The following UST variants were observed in gnomAD, a reference collection of about 807,000 sequenced individuals.
UST encodes chondroitin sulfate 2-O-sulfotransferase.
Under a neutral mutation model 45.6 loss-of-function variants are expected in UST, and 21 were observed. That is an observed-to-expected ratio of 0.46 (90% CI 0.33 to 0.66). The LOEUF is 0.66. UST is among the 30% of genes least tolerant of loss of function. The pLI, the probability that UST is intolerant of heterozygous loss-of-function variation, is 0.02. For missense variants in UST, 463 were observed against 512.4 expected (o/e 0.90, Z 0.93); for synonymous variants, 215 against 200.6 (o/e 1.07, Z -0.61).
Position 148,993,527 on chromosome 6 carries a change from A to G in UST, c.682-25612A>G, listed in dbSNP as rs73778999. Among the ~76,000 whole-genome samples the G allele has an allele frequency of 3.5e-3, 534 of 152,364 alleles. 2 individuals carry two copies. The highest frequency in any genetic ancestry group is 0.013 in the African/African-American group (523 of 41,594). On this transcript the variant is annotated intron_variant, in intron 5 of 7. Coordinates refer to ENST00000367463, the MANE Select transcript of UST (RefSeq NM_005715.3). ...AAGAATTTAGAGACTTGTGTGACTT[A>G]CTAAAGGATAAAACCAATAACAAGC...
At chr6:149,030,492 A>G in intron 7 of UST, among the ~76,000 whole-genome samples, 1 of 149,032 alleles carries the variant, frequency 6.7e-6, no homozygotes, top group Middle Eastern at 3.4e-3. Flanking sequence ...AAAAAAAATT[A>G]AAATTAAATA....
At chr6:148,921,460 TG>T (rs1779704507) in intron 2 of UST, among the ~76,000 whole-genome samples, 1 of 152,184 alleles carries the variant, frequency 6.6e-6, no homozygotes, top group South Asian at 2.1e-4. Context: ...GTTTGTTGGG[TG>T]GTTGTGAAAA....
At chr6:148,837,074 T>C (rs1777797421) in intron 1 of UST, among the ~76,000 whole-genome samples, 1 of 152,236 alleles carries the variant, frequency 6.6e-6, no homozygotes, top group African/African-American at 2.4e-5. Flanking sequence ...AATGATCCCA[T>C]GTATACTGAT....
chr6:148,935,128 C>G (rs899745012), intron 2 of UST, among the ~76,000 whole-genome samples: 2 of 152,168 alleles, frequency 1.3e-5, no homozygotes, highest in Non-Finnish European at 2.9e-5. Context: ...TGGTTCCTGT[C>G]GTGCTCAGGA....
intron 5 of UST, among the ~76,000 whole-genome samples, chr6:148,993,332 T>C (rs752720093): frequency 1.3e-5 from 2 of 152,056 alleles, no homozygotes; most frequent in Non-Finnish European, 2.9e-5. Flanking sequence ...CTAGTACCGT[T>C]GAGAATTCTC....
At position 148,753,061 on chromosome 6, in the gene UST, T is replaced by C. The variant is rs576101953; in HGVS notation, c.247+5384T>C. Among the ~76,000 whole-genome samples the C allele has an allele frequency of 3.1e-3, 465 of 152,346 alleles. 3 individuals carry two copies. The highest frequency in any genetic ancestry group is 6.8e-3 in the Middle Eastern group (2 of 294). Reference sequence around the variant, plus strand: ...AAAAATTCTTATTTGCAAAAGTCAATGTAGCAACTGTTTTGCAAGAGAATT... The same window carrying C: ...AAAAATTCTTATTTGCAAAAGTCAACGTAGCAACTGTTTTGCAAGAGAATT... On this transcript the variant is annotated intron_variant, in intron 1 of 7. Transcript: ENST00000367463.
intron 1 of UST, among the ~76,000 whole-genome samples, chr6:148,815,062 A>G (rs1016268494): frequency 7.9e-5 from 12 of 152,266 alleles, no homozygotes; most frequent in African/African-American, 2.4e-4. Flanking sequence ...AAACCGTGGT[A>G]TATCCACACA....
intron 7 of UST, among the ~76,000 whole-genome samples, chr6:149,023,121 T>C (rs1036340366): frequency 6.7e-6 from 1 of 149,842 alleles, no homozygotes; most frequent in African/African-American, 2.5e-5. Context: ...TGTGTGTGTG[T>C]GTGTGTGTGT....
chr6:148,894,336 G>T (rs1779077102), intron 2 of UST, among the ~76,000 whole-genome samples: 1 of 152,196 alleles, frequency 6.6e-6, no homozygotes, highest in South Asian at 2.1e-4. Context: ...TGAAGATGAG[G>T]TCATACTGGA....
At position 149,076,607 on chromosome 6, in the gene UST, A is replaced by T. The variant is rs893437742; in HGVS notation, c.*2491A>T. On this transcript the variant is annotated 3_prime_UTR_variant, in exon 8 of 8. Transcript: ENST00000367463. ...CAGTTTATTTGGCAAACATGACAAC[A>T]TTTTTTTTGGCCCTGGGCCCAACAG... 2.0e-5 allele frequency: 3 copies of T among 152,294 alleles called. No individual in the cohort carries two copies. The highest frequency in any genetic ancestry group is 4.4e-5 in the Non-Finnish European group (3 of 67,954). The allele number at this position is 152,294 out of a possible 1,614,324, so 9.4% of individuals were successfully genotyped here.
At chr6:149,043,523 C>T (rs1266633949) in intron 7 of UST, among the ~76,000 whole-genome samples, 1 of 152,262 alleles carries the variant, frequency 6.6e-6, no homozygotes, top group African/African-American at 2.4e-5. Context: ...GCATTCCAGT[C>T]TGTGTGGAAG....
At chr6:148,983,437 C>T (rs922833) in intron 5 of UST, among the ~76,000 whole-genome samples, 52,170 of 151,898 alleles carry the variant, frequency 0.34, 9,127 homozygotes, top group East Asian at 0.48. Flanking sequence ...CATGGGATCC[C>T]ATGGAGTTGA....
At chr6:148,753,075 T>G (rs1176872297) in intron 1 of UST, among the ~76,000 whole-genome samples, 1 of 152,250 alleles carries the variant, frequency 6.6e-6, no homozygotes, top group African/African-American at 2.4e-5. Context: ...GCAACTGTTT[T>G]GCAAGAGAAT....
At chr6:148,821,920 G>A (rs1346268920) in intron 1 of UST, among the ~76,000 whole-genome samples, 1 of 152,172 alleles carries the variant, frequency 6.6e-6, no homozygotes, top group Non-Finnish European at 1.5e-5. Context: ...GATTTGGCCA[G>A]TGGGAATCTC....
At chr6:148,916,929 C>T (rs1408318477) in intron 2 of UST, among the ~76,000 whole-genome samples, 1 of 152,244 alleles carries the variant, frequency 6.6e-6, no homozygotes, top group Non-Finnish European at 1.5e-5. Flanking sequence ...TTGCTCATCA[C>T]GTTGCATAGT....
intron 7 of UST, among the ~76,000 whole-genome samples, chr6:149,033,942 G>T (rs915960335): frequency 1.3e-5 from 2 of 152,096 alleles, no homozygotes; most frequent in Admixed American, 6.6e-5. Flanking sequence ...CACTTTCAGC[G>T]CAGCTAGATG....
intron 5 of UST, among the ~76,000 whole-genome samples, chr6:148,983,628 G>A (rs886975600): frequency 2.0e-5 from 3 of 152,232 alleles, no homozygotes; most frequent in African/African-American, 7.2e-5. Flanking sequence ...GCCCTATGGG[G>A]TGTTTACCAG....
chr6:148,897,892 G>A (rs1223538777), intron 2 of UST, among the ~76,000 whole-genome samples: 1 of 152,120 alleles, frequency 6.6e-6, no homozygotes, highest in East Asian at 1.9e-4. Context: ...CCGCTTTGAT[G>A]CCTTTGGGCT....
intron 7 of UST, among the ~76,000 whole-genome samples, chr6:149,029,943 A>G (rs984642177): frequency 6.6e-6 from 1 of 150,726 alleles, no homozygotes; most frequent in South Asian, 2.1e-4. Flanking sequence ...AAACAACTAG[A>G]CTCCTTATTA....
Sources: gnomAD v4.1 joint callset for allele counts (sites outside exome capture counted in the v4.1 genomes callset) on GRCh38, gnomAD v4.1.1 for gene constraint, MANE v1.5 for transcripts, NCBI Gene and HGNC (gene_info 2026-07-23, HGNC 2026-07-21) for gene names.